The following ACBD6 variants were observed in gnomAD, a reference collection of about 807,000 sequenced individuals.
The protein encoded by ACBD6 is acyl-CoA-binding domain-containing protein 6.
In ACBD6, 28 loss-of-function variants were observed where a neutral mutation model predicts 37.2. That is an observed-to-expected ratio of 0.75 (90% CI 0.56 to 1.03). The LOEUF is 1.03. Among genes scored for constraint, ACBD6 ranks in the 50% least tolerant of loss-of-function variants. The probability of loss-of-function intolerance (pLI) is 0.00; values close to 1 mark genes in which losing one functional copy is unlikely to be tolerated. For missense variants in ACBD6, 340 were observed against 337.4 expected (o/e 1.01, Z -0.06); for synonymous variants, 113 against 126.8 (o/e 0.89, Z 0.73).
intron 6 of ACBD6, among the ~76,000 whole-genome samples, chr1:180,339,034 G>C (rs1326384962): frequency 6.6e-6 from 1 of 152,180 alleles, no homozygotes; most frequent in Non-Finnish European, 1.5e-5. Flanking sequence ...GGAAACAACA[G>C]GTGCTAGAGA....
In ACBD6 at chr1:180,316,731, A is replaced by T. The variant is rs143498200; in HGVS notation, c.664-2009T>A. Among the ~76,000 whole-genome samples the T allele has an allele frequency of 3.9e-3, 591 of 152,334 alleles. 5 individuals carry two copies. Among genetic ancestry groups the T allele is most frequent in the African/African-American group, 0.013 (561 of 41,572 alleles). On this transcript the variant is annotated intron_variant, in intron 6 of 7. Coordinates refer to ENST00000367595, the MANE Select transcript of ACBD6 (RefSeq NM_032360.4). ...TCTAATTAATTAGTTAAAAATAGTT[A>T]CTGAGCTCCAATTATGTTCCAGTCA... is the stretch of plus-strand genomic sequence containing the variant.
intron 5 of ACBD6, among the ~76,000 whole-genome samples, chr1:180,401,283 C>T (rs568271791): frequency 3.3e-5 from 5 of 152,296 alleles, no homozygotes; most frequent in African/African-American, 1.2e-4. Flanking sequence ...CTACCTCAGA[C>T]AGATGAATGA....
chr1:180,397,366 G>C lies in ACBD6; in HGVS notation c.663+150C>G, dbSNP rs933795254. Reference sequence around the variant, plus strand: ...CTTTTGCGGTGACAACAGTATTACGGAACTATATAGTAGCAATGATTACAC... The same window carrying C: ...CTTTTGCGGTGACAACAGTATTACGCAACTATATAGTAGCAATGATTACAC... On this transcript the variant is annotated intron_variant, in intron 6 of 7. Coordinates refer to ENST00000367595, the MANE Select transcript of ACBD6 (RefSeq NM_032360.4). 48 of 751,088 alleles carry C rather than the reference G, an allele frequency of 6.4e-5. No individual in the cohort carries two copies. The Admixed American group carries it at 7.3e-4, about 11-fold the overall frequency. 46.5% of individuals were successfully genotyped at this position (751,088 alleles called of 1,614,324 possible).
intron 2 of ACBD6, among the ~76,000 whole-genome samples, chr1:180,495,210 G>T (rs76854333): frequency 6.6e-6 from 1 of 152,162 alleles, no homozygotes; most frequent in Non-Finnish European, 1.5e-5. Flanking sequence ...AGCTCTCATG[G>T]TATTAAAATG....
intron 3 of ACBD6, among the ~76,000 whole-genome samples, chr1:180,482,996 A>C (rs1571567797): frequency 6.6e-6 from 1 of 152,304 alleles, no homozygotes; most frequent in Admixed American, 6.5e-5. Context: ...AGGAATACCT[A>C]AGTCTTTTTA....
chr1:180,423,492 C>G lies in ACBD6; in HGVS notation c.467+6688G>C, dbSNP rs376098728. On this transcript the variant is annotated intron_variant, in intron 4 of 7. Coordinates refer to ENST00000367595, the MANE Select transcript of ACBD6 (RefSeq NM_032360.4). ...TTCTAGGTCTAGAAAATTCTTAAAG[C>G]CTTCAAATTGAAACTTCCATTTGTT... Among the ~76,000 whole-genome samples, 31 of 152,164 alleles carry G rather than the reference C, an allele frequency of 2.0e-4. No individual in the cohort carries two copies. In the East Asian group the frequency reaches 4.6e-3, roughly 23 times the overall value.
At chr1:180,305,771 T>C (rs1000728371) in intron 7 of ACBD6, among the ~76,000 whole-genome samples, 5 of 152,170 alleles carry the variant, frequency 3.3e-5, no homozygotes, top group Admixed American at 1.3e-4. Flanking sequence ...CAAAAAAGTA[T>C]AAATCATGCT....
chr1:180,418,449 C>T (rs1366263281), intron 4 of ACBD6, among the ~76,000 whole-genome samples: 8 of 151,798 alleles, frequency 5.3e-5, no homozygotes, highest in African/African-American at 1.7e-4. Flanking sequence ...TGTGGTGGTG[C>T]GTGCCTGTAG....
chr1:180,448,308 C>T (rs1390683866), intron 3 of ACBD6, among the ~76,000 whole-genome samples: 2 of 152,192 alleles, frequency 1.3e-5, no homozygotes, highest in Non-Finnish European at 2.9e-5. Context: ...ACTATTGCAA[C>T]TTGGTATGAG....
chr1:180,374,040 A>G (rs1653349907), intron 6 of ACBD6, among the ~76,000 whole-genome samples: 1 of 152,220 alleles, frequency 6.6e-6, no homozygotes, highest in African/African-American at 2.4e-5. Context: ...TAAATTGGCA[A>G]GAATTACAAG....
chr1:180,359,531 A>G (rs145082653), intron 6 of ACBD6, among the ~76,000 whole-genome samples: 48 of 152,328 alleles, frequency 3.2e-4, no homozygotes, highest in African/African-American at 1.1e-3. Context: ...ATTTGTTAGG[A>G]TGGAATTTAC....
intron 4 of ACBD6, among the ~76,000 whole-genome samples, chr1:180,421,841 T>C (rs116474031): frequency 0.063 from 9,471 of 151,346 alleles, 481 homozygotes; most frequent in Admixed American, 0.13. Context: ...TTCATGTCTT[T>C]TGCCCACTTT....
At chr1:180,304,462 AACAG>A (rs1194664957) in intron 7 of ACBD6, among the ~76,000 whole-genome samples, 3 of 150,632 alleles carry the variant, frequency 2.0e-5, no homozygotes, top group Non-Finnish European at 4.5e-5. Flanking sequence ...ATACAACAAT[AACAG>A]ACAGAGAGCC....
chr1:180,430,070 G>A, intron 4 of ACBD6, 110 bp downstream of exon 4: 1 of 907,272 alleles, frequency 1.1e-6, no homozygotes, highest in Non-Finnish European at 1.7e-6. Flanking sequence ...AAGATTTCAG[G>A]ATTAAAAATA....
At chr1:180,322,484 C>T (rs953967729) in intron 6 of ACBD6, among the ~76,000 whole-genome samples, 6 of 151,974 alleles carry the variant, frequency 3.9e-5, no homozygotes, top group Non-Finnish European at 8.8e-5. Flanking sequence ...CCACGAGGTC[C>T]TAGCCTTTTC....
intron 3 of ACBD6, among the ~76,000 whole-genome samples, chr1:180,439,631 G>C (rs903565664): frequency 1.3e-5 from 2 of 151,676 alleles, no homozygotes; most frequent in Non-Finnish European, 2.9e-5. Flanking sequence ...TGACTCCCTA[G>C]TCCACACTCA....
At chr1:180,336,710 C>A (rs1436563062) in intron 6 of ACBD6, among the ~76,000 whole-genome samples, 1 of 151,760 alleles carries the variant, frequency 6.6e-6, no homozygotes, top group Non-Finnish European at 1.5e-5. Flanking sequence ...TTCAAAAACT[C>A]AATGAATCCA....
chr1:180,346,633 G>C (rs112057514), intron 6 of ACBD6, among the ~76,000 whole-genome samples: 1 of 152,320 alleles, frequency 6.6e-6, no homozygotes, highest in African/African-American at 2.4e-5. Flanking sequence ...ATGAAGCCTT[G>C]AGCAGAGGAA....
chr1:180,487,545 C>G (rs1393250863), intron 3 of ACBD6, among the ~76,000 whole-genome samples: 1 of 152,144 alleles, frequency 6.6e-6, no homozygotes, highest in Non-Finnish European at 1.5e-5. Context: ...CTGTCGACTG[C>G]TGCAGTACCA....
Sources: allele counts gnomAD v4.1 joint callset (sites outside exome capture counted in the v4.1 genomes callset), GRCh38; gene constraint gnomAD v4.1.1; transcripts MANE v1.5; gene names NCBI Gene and HGNC (gene_info 2026-07-23, HGNC 2026-07-21).